The following FSHR variants were observed in gnomAD, a reference collection of about 807,000 sequenced individuals.
FSHR encodes the protein follicle stimulating hormone receptor, also known as follicle-stimulating hormone receptor.
Under a neutral mutation model 52.1 loss-of-function variants are expected in FSHR, and 46 were observed. That is an observed-to-expected ratio of 0.88 (90% CI 0.70 to 1.13). The LOEUF is 1.13. Ranked by LOEUF, FSHR falls within the 50% of genes most tolerant of loss-of-function variation. FSHR has a pLI of 0.00. For synonymous variants in FSHR, 399 were observed against 309.6 expected, an observed-to-expected ratio of 1.29 and a Z score of -3.03; for missense variants, 964 against 834.6, an observed-to-expected ratio of 1.16 and a Z score of -1.91.
At chr2:49,017,384 C>T in intron 4 of FSHR, 105 bp downstream of exon 4, 1 of 859,890 alleles carries the variant, frequency 1.2e-6, no homozygotes, top group Non-Finnish European at 1.9e-6. Flanking sequence ...CACCACCATC[C>T]TTGATCAAAA....
intron 2 of FSHR, among the ~76,000 whole-genome samples, chr2:49,029,690 G>A (rs749905526): frequency 4.6e-5 from 7 of 152,178 alleles, no homozygotes; most frequent in South Asian, 2.1e-4. Context: ...TGCAAAGGTC[G>A]TGCTGCTTAC....
Position 49,045,740 on chromosome 2 carries a change from A to T in FSHR, c.224+22479T>A, listed in dbSNP as rs552142798. On this transcript the variant is annotated intron_variant, in intron 2 of 9. Coordinates refer to ENST00000406846, the MANE Select transcript of FSHR (RefSeq NM_000145.4). ...TGGATTTTTACTGCTTGGATTAGAC[A>T]TCCATCCGCTTCTAAAACATCCTTT... is the stretch of plus-strand genomic sequence containing the variant. Among the ~76,000 whole-genome samples the T allele has an allele frequency of 7.9e-5, 12 of 152,300 alleles. No homozygotes were observed. In the South Asian group the frequency reaches 1.7e-3, roughly 21 times the overall value.
intron 1 of FSHR, among the ~76,000 whole-genome samples, chr2:49,125,124 G>T (rs1671952985): frequency 6.6e-6 from 1 of 152,136 alleles, no homozygotes; most frequent in Admixed American, 6.5e-5. Context: ...TTTCTGATGG[G>T]CTTCCTGGAC....
At chr2:49,016,914 T>A (rs1667510684) in intron 4 of FSHR, among the ~76,000 whole-genome samples, 1 of 152,204 alleles carries the variant, frequency 6.6e-6, no homozygotes, top group Non-Finnish European at 1.5e-5. Flanking sequence ...GGTCCCATTA[T>A]AACACTCATG....
chr2:48,972,296 A>G (rs2104019438), intron 8 of FSHR, among the ~76,000 whole-genome samples: 1 of 152,272 alleles, frequency 6.6e-6, no homozygotes, highest in African/African-American at 2.4e-5. Context: ...TACTTCTCAC[A>G]ACACTCATTG....
chr2:49,132,170 G>A (rs1558459462), intron 1 of FSHR, among the ~76,000 whole-genome samples: 2 of 152,154 alleles, frequency 1.3e-5, no homozygotes, highest in Admixed American at 6.6e-5. Context: ...TGTTCTGGAT[G>A]ATGTACTGCT....
At chr2:48,989,541 G>A (rs1675677938) in intron 5 of FSHR, among the ~76,000 whole-genome samples, 1 of 152,094 alleles carries the variant, frequency 6.6e-6, no homozygotes, top group East Asian at 1.9e-4. Flanking sequence ...CTTGGCTTCC[G>A]AAAGTACTGG....
intron 2 of FSHR, among the ~76,000 whole-genome samples, chr2:49,039,621 T>C (rs1194024766): frequency 2.0e-5 from 3 of 152,270 alleles, no homozygotes; most frequent in African/African-American, 7.2e-5. Context: ...TCTACTTTTT[T>C]CCAAACTGGT....
intron 1 of FSHR, among the ~76,000 whole-genome samples, chr2:49,129,709 A>G (rs895840406): frequency 2.6e-5 from 4 of 152,178 alleles, no homozygotes; most frequent in African/African-American, 9.7e-5. Context: ...TCAAATATAA[A>G]GGATACATAA....
chr2:49,043,139 A>C (rs953756482), intron 2 of FSHR, among the ~76,000 whole-genome samples: 2 of 152,124 alleles, frequency 1.3e-5, no homozygotes, highest in South Asian at 2.1e-4. Flanking sequence ...TTATGGCTTC[A>C]TTCCTTTCCA....
At chr2:49,013,529 AATAT>A (rs1174630118) in intron 4 of FSHR, among the ~76,000 whole-genome samples, 1 of 142,394 alleles carries the variant, frequency 7.0e-6, no homozygotes, top group Non-Finnish European at 1.5e-5. Context: ...TATATATAAA[AATAT>A]ATATATAAAT....
intron 2 of FSHR, among the ~76,000 whole-genome samples, chr2:49,055,172 G>T (rs188096673): frequency 1.3e-3 from 201 of 151,720 alleles, no homozygotes; most frequent in Non-Finnish European, 2.4e-3. Context: ...GAGAAAAGTG[G>T]CAAAGAGATA....
intron 3 of FSHR, among the ~76,000 whole-genome samples, chr2:49,019,008 T>G (rs1032475103): frequency 6.6e-6 from 1 of 152,230 alleles, no homozygotes; most frequent in Admixed American, 6.5e-5. Flanking sequence ...TAGATAAGCC[T>G]TACAACTTCT....
intron 8 of FSHR, among the ~76,000 whole-genome samples, chr2:48,973,469 C>T (rs977174938): frequency 1.3e-5 from 2 of 152,162 alleles, no homozygotes; most frequent in Non-Finnish European, 1.5e-5. Context: ...TTGTTTTAAG[C>T]CATTAAATTT....
intron 2 of FSHR, 117 bp from the exon 3 acceptor site, chr2:49,020,277 C>G: frequency 1.1e-6 from 1 of 877,758 alleles, no homozygotes. Flanking sequence ...AAACTCCTTT[C>G]CTGCCATTAA....
At chr2:49,137,109 C>T (rs1672514242) in intron 1 of FSHR, among the ~76,000 whole-genome samples, 1 of 151,978 alleles carries the variant, frequency 6.6e-6, no homozygotes, top group Admixed American at 6.6e-5. Flanking sequence ...ATGGAAAGTC[C>T]TATGGAATCC....
At chr2:49,140,801 C>A (rs906436411) in intron 1 of FSHR, among the ~76,000 whole-genome samples, 60 of 150,492 alleles carry the variant, frequency 4.0e-4, no homozygotes, top group Non-Finnish European at 1.9e-4. Flanking sequence ...ATTTTTTTTT[C>A]CTGAACTCTA....
At chr2:49,049,619 C>A (rs573569754) in intron 2 of FSHR, among the ~76,000 whole-genome samples, 2 of 152,064 alleles carry the variant, frequency 1.3e-5, no homozygotes, top group African/African-American at 2.4e-5. Context: ...CTTATTAGCT[C>A]ACAGTGGGCC....
chr2:49,116,954 C>A (rs1009255656), intron 1 of FSHR, among the ~76,000 whole-genome samples: 1 of 152,192 alleles, frequency 6.6e-6, no homozygotes, highest in African/African-American at 2.4e-5. Context: ...GAAACATTTT[C>A]AATCCAGCTA....
Sources: gnomAD v4.1 joint callset for allele counts (sites outside exome capture counted in the v4.1 genomes callset) on GRCh38, gnomAD v4.1.1 for gene constraint, MANE v1.5 for transcripts, NCBI Gene and HGNC (gene_info 2026-07-23, HGNC 2026-07-21) for gene names.